The following LDB2 variants were observed in gnomAD, a reference collection of about 807,000 sequenced individuals.
LDB2 encodes the protein LIM domain binding 2.
LDB2 carries 12 observed loss-of-function variants against 44.3 expected under a neutral mutation model. The observed-to-expected ratio is 0.27, with a 90% CI of 0.17 to 0.44. The LOEUF (loss-of-function observed/expected upper bound fraction) is 0.44, where lower values mean the gene tolerates loss of function less well. LDB2 is among the 20% of genes least tolerant of loss of function. The pLI is 1.00. For missense variants in LDB2, 344 were observed against 473.5 expected (o/e 0.73, Z 2.54); for synonymous variants, 164 against 174.8 (o/e 0.94, Z 0.49).
At chr4:16,672,898 C>A (rs1265650232) in intron 2 of LDB2, among the ~76,000 whole-genome samples, 3 of 143,558 alleles carry the variant, frequency 2.1e-5, no homozygotes, top group African/African-American at 8.3e-5. Context: ...TTTTTTCCTT[C>A]CCCCTCTCCT....
intron 5 of LDB2, among the ~76,000 whole-genome samples, chr4:16,514,232 C>T (rs1193448565): frequency 6.6e-6 from 1 of 152,150 alleles, no homozygotes; most frequent in Non-Finnish European, 1.5e-5. Flanking sequence ...TCATGTAAAA[C>T]TTTGATTCAA....
chr4:16,889,299 A>G (rs1722656090), intron 1 of LDB2: 1 of 152,202 alleles, frequency 6.6e-6, no homozygotes, highest in Non-Finnish European at 1.5e-5. Flanking sequence ...ACCGTAATTC[A>G]CGGCTGTGGG....
chr4:16,804,142 G>T (rs1200944192), intron 1 of LDB2, among the ~76,000 whole-genome samples: 7 of 152,130 alleles, frequency 4.6e-5, no homozygotes, highest in Non-Finnish European at 1.0e-4. Flanking sequence ...CTTTAAGAGA[G>T]AGTCTCACTC....
intron 2 of LDB2, among the ~76,000 whole-genome samples, chr4:16,604,280 G>T (rs1481270228): frequency 2.6e-5 from 4 of 152,030 alleles, no homozygotes; most frequent in African/African-American, 9.7e-5. Context: ...ATTTCTATTT[G>T]TAACCCAGGC....
intron 2 of LDB2, among the ~76,000 whole-genome samples, chr4:16,673,791 A>G (rs1224059463): frequency 6.6e-6 from 1 of 152,182 alleles, no homozygotes; most frequent in Admixed American, 6.5e-5. Flanking sequence ...CCAACAAAAA[A>G]CTATCCAGTC....
chr4:16,716,684 T>C (rs191451738), intron 2 of LDB2, among the ~76,000 whole-genome samples: 8 of 152,300 alleles, frequency 5.3e-5, no homozygotes, highest in Non-Finnish European at 8.8e-5. Flanking sequence ...CCAAAGCCCC[T>C]TGGCCTCTTC....
At chr4:16,746,661 C>T (rs758347726) in intron 2 of LDB2, among the ~76,000 whole-genome samples, 1 of 152,076 alleles carries the variant, frequency 6.6e-6, no homozygotes, top group Admixed American at 6.6e-5. Flanking sequence ...GTGGCACGCG[C>T]CTGTAGTCCT....
At chr4:16,655,281 A>G (rs1419016701) in intron 2 of LDB2, among the ~76,000 whole-genome samples, 1 of 152,200 alleles carries the variant, frequency 6.6e-6, no homozygotes, top group Non-Finnish European at 1.5e-5. Flanking sequence ...CTTGAAATCC[A>G]GATTCTCACA....
At chr4:16,721,979 T>A (rs1758382766) in intron 2 of LDB2, among the ~76,000 whole-genome samples, 1 of 152,138 alleles carries the variant, frequency 6.6e-6, no homozygotes, top group Non-Finnish European at 1.5e-5. Flanking sequence ...AAAATTAAAA[T>A]ACCATAAACT....
chr4:16,586,876 CT>C (rs1440304900), intron 4 of LDB2, among the ~76,000 whole-genome samples: 8 of 152,192 alleles, frequency 5.3e-5, no homozygotes, highest in Non-Finnish European at 1.2e-4. Context: ...TAAACATCCC[CT>C]TGTCTCCACG....
At chr4:16,612,749 T>A (rs2152467222) in intron 2 of LDB2, among the ~76,000 whole-genome samples, 1 of 152,290 alleles carries the variant, frequency 6.6e-6, no homozygotes, top group South Asian at 2.1e-4. Flanking sequence ...CCGGACGGAT[T>A]CACAGCTGAA....
chr4:16,604,950 G>A (rs1723529372), intron 2 of LDB2, among the ~76,000 whole-genome samples: 1 of 152,130 alleles, frequency 6.6e-6, no homozygotes, highest in Non-Finnish European at 1.5e-5. Context: ...TGAAAGCAGC[G>A]CTCTATTTGA....
At chr4:16,527,779 A>G (rs1221371408) in intron 5 of LDB2, among the ~76,000 whole-genome samples, 2 of 152,210 alleles carry the variant, frequency 1.3e-5, no homozygotes, top group African/African-American at 4.8e-5. Context: ...TAAATTTACA[A>G]GAGGGTAGAT....
At chr4:16,869,066 A>AGTGC in intron 1 of LDB2, among the ~76,000 whole-genome samples, 2 of 152,240 alleles carry the variant, frequency 1.3e-5, no homozygotes, top group South Asian at 4.1e-4. Flanking sequence ...CACCATGCTA[A>AGTGC]GTGCCTCAGT....
intron 2 of LDB2, among the ~76,000 whole-genome samples, chr4:16,614,424 C>T (rs1056889605): frequency 1.3e-5 from 2 of 152,014 alleles, no homozygotes; most frequent in Non-Finnish European, 2.9e-5. Context: ...CAAATGGGAG[C>T]TAATTAAACT....
intron 5 of LDB2, among the ~76,000 whole-genome samples, chr4:16,536,986 C>T (rs1278836773): frequency 6.6e-6 from 1 of 152,186 alleles, no homozygotes; most frequent in East Asian, 1.9e-4. Context: ...CATAATGTTA[C>T]TCATATTCCT....
rs143087576 is a variant in LDB2 at position 16,582,804 on chromosome 4, C to T, written c.615+3118G>A. Among the ~76,000 whole-genome samples, 311 of 152,194 alleles carry T rather than the reference C, an allele frequency of 2.0e-3. No individual in the cohort carries two copies. The highest frequency in any genetic ancestry group is 7.1e-3 in the African/African-American group (293 of 41,524). On this transcript the variant is annotated intron_variant, in intron 5 of 7. Transcript: ENST00000304523. The surrounding 1 kb of genome is among the most constrained non-coding windows in gnomAD (Gnocchi z 4.8). ...CTGCAGGCTCAGCGGCTTCCAGCCA[C>T]AGCTCCACTGGGACCACCAAGTCAG...
chr4:16,529,722 G>A (rs1452517077), intron 5 of LDB2, among the ~76,000 whole-genome samples: 1 of 151,972 alleles, frequency 6.6e-6, no homozygotes, highest in Non-Finnish European at 1.5e-5. Context: ...TTGTCCCCTG[G>A]GTCCTTTACG....
At chr4:16,843,388 G>A (rs533456078) in intron 1 of LDB2, among the ~76,000 whole-genome samples, 1 of 152,250 alleles carries the variant, frequency 6.6e-6, no homozygotes, top group African/African-American at 2.4e-5. Context: ...CCAAAGACTA[G>A]AGCCAGGTCT....
Sources: gnomAD v4.1 joint callset for allele counts (sites outside exome capture counted in the v4.1 genomes callset) on GRCh38, gnomAD v4.1.1 for gene constraint, Gnocchi (gnomAD v3.1) non-coding constraint, MANE v1.5 for transcripts, NCBI Gene and HGNC (gene_info 2026-07-23, HGNC 2026-07-21) for gene names.